SGCZ: variants seen among roughly 807,000 people sequenced by gnomAD.
SGCZ encodes zeta-sarcoglycan.
Under a neutral mutation model 41.3 loss-of-function variants are expected in SGCZ, and 40 were observed. The observed-to-expected ratio is 0.97, with a 90% CI of 0.75 to 1.26. The LOEUF is 1.26. SGCZ is among the 50% of genes most tolerant of loss of function. SGCZ has a pLI of 0.00. For synonymous variants in SGCZ, 206 were observed against 137.5 expected, an observed-to-expected ratio of 1.50 and a Z score of -3.49; for missense variants, 552 against 369.8, an observed-to-expected ratio of 1.49 and a Z score of -4.04.
In SGCZ at chr8:14,222,792, A is replaced by ATTTT. The variant is rs775444301; in HGVS notation, c.424+14796_424+14799dup. On this transcript the variant is annotated intron_variant, in intron 4 of 7. Transcript: ENST00000382080. ...ATTCCACCCTCTCTCAGTCACAGTG[A>ATTTT]TTTTTTTTTTTTTTTTTTTTTTTTT... Among the ~76,000 whole-genome samples the ATTTT allele has an allele frequency of 1.0e-4, 5 of 48,854 alleles. 1 individual carries two copies. Among genetic ancestry groups the ATTTT allele is most frequent in the African/African-American group, 3.6e-4 (4 of 10,976 alleles). 32.1% of individuals were successfully genotyped at this position (48,854 alleles called of 152,430 possible).
At chr8:14,903,207 A>G (rs1426159633) in intron 1 of SGCZ, among the ~76,000 whole-genome samples, 3 of 152,086 alleles carry the variant, frequency 2.0e-5, no homozygotes, top group African/African-American at 7.2e-5. Context: ...CAGAACTGAA[A>G]TTTCATCAAG....
At chr8:15,192,867 T>G (rs895299001) in intron 1 of SGCZ, among the ~76,000 whole-genome samples, 3 of 152,040 alleles carry the variant, frequency 2.0e-5, no homozygotes, top group Non-Finnish European at 2.9e-5. Context: ...TTTGTTTTAT[T>G]TTAGATATAC....
chr8:15,114,153 A>G (rs757226275), intron 1 of SGCZ, among the ~76,000 whole-genome samples: 2 of 152,184 alleles, frequency 1.3e-5, no homozygotes, highest in Non-Finnish European at 2.9e-5. Flanking sequence ...TTGCATCCGA[A>G]TATATTATTT....
At chr8:14,282,532 C>G (rs942219346) in intron 3 of SGCZ, among the ~76,000 whole-genome samples, 1 of 152,098 alleles carries the variant, frequency 6.6e-6, no homozygotes, top group Admixed American at 6.6e-5. Context: ...GTTTTCAACA[C>G]CTAGTGTCTC....
At chr8:14,152,549 G>C (rs1388153982) in intron 5 of SGCZ, among the ~76,000 whole-genome samples, 1 of 152,146 alleles carries the variant, frequency 6.6e-6, no homozygotes, top group African/African-American at 2.4e-5. Flanking sequence ...GACAACACCA[G>C]ACTGGAGAGG....
chr8:14,580,410 C>A (rs563162486), intron 1 of SGCZ, among the ~76,000 whole-genome samples: 65 of 152,070 alleles, frequency 4.3e-4, no homozygotes, highest in South Asian at 1.2e-3. Flanking sequence ...TAATACAAAC[C>A]TTTTAAAACA....
At chr8:14,570,418 C>A (rs1188612512) in intron 1 of SGCZ, among the ~76,000 whole-genome samples, 10 of 152,114 alleles carry the variant, frequency 6.6e-5, no homozygotes, top group African/African-American at 1.2e-4. Context: ...ATTTATGTCA[C>A]ACTAAGTATA....
intron 2 of SGCZ, among the ~76,000 whole-genome samples, chr8:14,459,424 TA>T (rs1211465487): frequency 7.1e-6 from 1 of 141,258 alleles, no homozygotes; most frequent in Admixed American, 6.8e-5. Context: ...TAATAAAAAA[TA>T]AAATAAAAAA....
chr8:15,237,309 C>T (rs937519322), intron 1 of SGCZ, among the ~76,000 whole-genome samples: 1 of 152,152 alleles, frequency 6.6e-6, no homozygotes, highest in Non-Finnish European at 1.5e-5. Context: ...CAAATGCTGC[C>T]GTCACGGACC....
chr8:14,956,017 T>G (rs1299520449), intron 1 of SGCZ, among the ~76,000 whole-genome samples: 1 of 150,894 alleles, frequency 6.6e-6, no homozygotes, highest in Non-Finnish European at 1.5e-5. Flanking sequence ...TAGTGCTTAA[T>G]GTAGGTAGGA....
intron 1 of SGCZ, among the ~76,000 whole-genome samples, chr8:15,209,181 G>A (rs1801163245): frequency 6.6e-6 from 1 of 151,986 alleles, no homozygotes; most frequent in Non-Finnish European, 1.5e-5. Flanking sequence ...ATAATTAAAT[G>A]ATTATAGTAT....
intron 2 of SGCZ, among the ~76,000 whole-genome samples, chr8:14,535,637 T>C (rs1185811436): frequency 6.6e-6 from 1 of 151,954 alleles, no homozygotes; most frequent in Non-Finnish European, 1.5e-5. Context: ...ATAAAATTTA[T>C]TAGATTTACA....
intron 1 of SGCZ, among the ~76,000 whole-genome samples, chr8:14,698,135 C>G (rs528379221): frequency 2.4e-4 from 36 of 152,014 alleles, no homozygotes; most frequent in Non-Finnish European, 5.2e-4. Flanking sequence ...TTCTAGCAGT[C>G]AAACAAAATA....
intron 2 of SGCZ, among the ~76,000 whole-genome samples, chr8:14,361,636 G>C (rs1210663816): frequency 6.6e-6 from 1 of 152,142 alleles, no homozygotes; most frequent in African/African-American, 2.4e-5. Flanking sequence ...TGCTCCGTTA[G>C]CTCAGAGAAG....
intron 3 of SGCZ, among the ~76,000 whole-genome samples, chr8:14,250,380 A>C (rs1444070609): frequency 6.6e-6 from 1 of 152,178 alleles, no homozygotes; most frequent in Non-Finnish European, 1.5e-5. Context: ...AAATGTGTCG[A>C]AATTTTTTTT....
intron 2 of SGCZ, among the ~76,000 whole-genome samples, chr8:14,486,282 G>T (rs1156295120): frequency 1.3e-5 from 2 of 152,024 alleles, no homozygotes; most frequent in African/African-American, 4.8e-5. Context: ...ACCAGATATA[G>T]AGGCCATATG....
chr8:14,505,720 A>G (rs1802285457), intron 2 of SGCZ, among the ~76,000 whole-genome samples: 1 of 152,166 alleles, frequency 6.6e-6, no homozygotes, highest in Admixed American at 6.6e-5. Flanking sequence ...AATTACTGGT[A>G]TCCCTGGCCT....
At chr8:14,864,665 T>G (rs1408331848) in intron 1 of SGCZ, among the ~76,000 whole-genome samples, 6 of 152,160 alleles carry the variant, frequency 3.9e-5, no homozygotes, top group Admixed American at 3.9e-4. Context: ...AATTCTAATC[T>G]AATTAAGATG....
chr8:14,611,953 T>A (rs1257713132), intron 1 of SGCZ, among the ~76,000 whole-genome samples: 1 of 152,174 alleles, frequency 6.6e-6, no homozygotes, highest in Non-Finnish European at 1.5e-5. Context: ...AAATATTATG[T>A]CTTAAAAATT....
Sources: gnomAD v4.1 joint callset for allele counts (sites outside exome capture counted in the v4.1 genomes callset) on GRCh38, gnomAD v4.1.1 for gene constraint, MANE v1.5 for transcripts, NCBI Gene and HGNC (gene_info 2026-07-23, HGNC 2026-07-21) for gene names.